The following CPAMD8 variants were observed in gnomAD, a reference collection of about 807,000 sequenced individuals.
The protein encoded by CPAMD8 is C3 and PZP like alpha-2-macroglobulin domain containing 8, also known as C3 and PZP-like alpha-2-macroglobulin domain-containing protein 8.
CPAMD8 carries 146 observed loss-of-function variants against 224.7 expected under a neutral mutation model. That is an observed-to-expected ratio of 0.65 (90% confidence interval 0.57 to 0.75). The LOEUF (loss-of-function observed/expected upper bound fraction) is 0.75. Ranked by LOEUF, CPAMD8 falls within the 30% of genes least tolerant of loss-of-function variation. CPAMD8 has a pLI of 0.00. For missense variants in CPAMD8, 2,301 were observed against 2,537.5 expected, an observed-to-expected ratio of 0.91 and a Z score of 2.00; for synonymous variants, 966 against 1,044.6, an observed-to-expected ratio of 0.92 and a Z score of 1.45.
intron 35 of CPAMD8, among the ~76,000 whole-genome samples, chr19:16,901,933 G>A (rs1599655449): frequency 6.6e-6 from 1 of 152,152 alleles, no homozygotes; most frequent in South Asian, 2.1e-4. Context: ...GTCAAGGTCA[G>A]GGCAGCCGTT....
intron 19 of CPAMD8, 45 bp from the exon 20 acceptor site, chr19:16,952,245 C>T: frequency 8.7e-7 from 1 of 1,155,592 alleles, no homozygotes; most frequent in Non-Finnish European, 1.3e-6. Flanking sequence ...TTCTCCAGGG[C>T]CATGCCTCAG....
rs756774629 is a variant in CPAMD8, at chr19:16,902,121, C to T, written c.4685+528G>A. Among the ~76,000 whole-genome samples the T allele has an allele frequency of 5.9e-5, 9 of 152,108 alleles. No individual in the cohort carries two copies. In the South Asian group the frequency reaches 6.2e-4, roughly 10 times the overall value. On this transcript the variant is annotated intron_variant, in intron 35 of 41. Transcript: ENST00000443236. ...CCAAGGGGTCTGGTGCTGGTGTTAT[C>T]GGGCAGGGACCAGTGTCCCAGCCAC...
intron 27 of CPAMD8, 46 bp from the exon 28 acceptor site, chr19:16,914,859 C>G (rs2052885494): frequency 3.5e-6 from 5 of 1,428,442 alleles, no homozygotes; most frequent in Non-Finnish European, 4.8e-6. Context: ...GAATGGTCAG[C>G]CCCCACATGC....
Position 16,980,759 on chromosome 19 carries a change from T to G in CPAMD8, c.1396-73A>C, listed in dbSNP as rs144773869. On this transcript the variant is annotated intron_variant, in intron 13 of 41. Transcript: ENST00000443236. ...CAACCCACCACAGGAAGACGGCCATTCTGGGGCCAGAGGGAGGTTGGGATG... is the reference window on the plus strand; with the variant it reads ...CAACCCACCACAGGAAGACGGCCATGCTGGGGCCAGAGGGAGGTTGGGATG... 1,574 of 1,276,952 alleles carry G rather than the reference T, an allele frequency of 1.2e-3. 15 individuals carry two copies. In the African/African-American group the frequency reaches 0.022, roughly 18 times the overall value. The allele number at this position is 1,276,952 out of a possible 1,614,324, so 79.1% of individuals were successfully genotyped here.
rs771430784 is a variant in CPAMD8 at position 16,935,685 on chromosome 19, T to C, written c.2845+2710A>G. Among the ~76,000 whole-genome samples the C allele has an allele frequency of 3.8e-4, 58 of 152,234 alleles. 1 individual carries two copies. Among genetic ancestry groups the C allele is most frequent in the Non-Finnish European group, 7.5e-4 (51 of 68,042 alleles). On this transcript the variant is annotated intron_variant, in intron 23 of 41. Coordinates refer to ENST00000443236, the MANE Select transcript of CPAMD8 (RefSeq NM_015692.5). ...CGGGCTGTTTCCAGTTTGGGGCTAC[T>C]ACAAATAAAGCTAATATGAACATCT...
intron 3 of CPAMD8, among the ~76,000 whole-genome samples, chr19:17,016,791 T>C (rs1477373116): frequency 2.1e-5 from 3 of 145,314 alleles, no homozygotes; most frequent in Admixed American, 1.4e-4. Flanking sequence ...AAAAATCTAA[T>C]CACACAAAGG....
chr19:16,966,167 G>C (rs184776506), intron 18 of CPAMD8, among the ~76,000 whole-genome samples: 1 of 152,140 alleles, frequency 6.6e-6, no homozygotes, highest in East Asian at 1.9e-4. Context: ...GAACAGAACA[G>C]AGGCCTCAGA....
intron 18 of CPAMD8, among the ~76,000 whole-genome samples, chr19:16,959,545 CTT>C (rs1056827789): frequency 1.4e-5 from 2 of 139,654 alleles, no homozygotes; most frequent in African/African-American, 2.6e-5. Context: ...CGTATATTTT[CTT>C]TTTTTTTTTT....
intron 13 of CPAMD8, 114 bp downstream of exon 13, chr19:16,989,529 C>A: frequency 7.6e-7 from 1 of 1,310,854 alleles, no homozygotes; most frequent in Admixed American, 2.3e-5. Context: ...TCCAGTGATC[C>A]GCCTGCCTCG....
intron 27 of CPAMD8, among the ~76,000 whole-genome samples, chr19:16,916,014 TC>T (rs1206783341): frequency 6.6e-6 from 1 of 151,368 alleles, no homozygotes; most frequent in Non-Finnish European, 1.5e-5. Flanking sequence ...TCTCTCTCTC[TC>T]TTGCTTTCTT....
intron 1 of CPAMD8, among the ~76,000 whole-genome samples, chr19:17,025,256 C>CA (rs2057048693): frequency 6.6e-6 from 1 of 152,000 alleles, no homozygotes; most frequent in Non-Finnish European, 1.5e-5. Context: ...ATTAAAAATA[C>CA]AAAAAATTAG....
At chr19:16,904,176 A>AG in intron 32 of CPAMD8, 50 bp downstream of exon 32, 24 of 937,332 alleles carry the variant, frequency 2.6e-5, no homozygotes, top group Non-Finnish European at 3.7e-5. Context: ...GACTGCAGGG[A>AG]CCCCACCCAC....
intron 22 of CPAMD8, 151 bp downstream of exon 22, chr19:16,945,398 G>A (rs1412368929): frequency 7.1e-6 from 7 of 986,438 alleles, no homozygotes; most frequent in East Asian, 5.4e-5. Context: ...GGAAGTACCC[G>A]AAAGTCCAGG....
intron 17 of CPAMD8, among the ~76,000 whole-genome samples, chr19:16,973,514 A>G (rs1402158257): frequency 6.6e-6 from 1 of 151,686 alleles, no homozygotes; most frequent in African/African-American, 2.4e-5. Context: ...ACACCCAGAT[A>G]ATTTTTGTAT....
chr19:17,024,603 G>A (rs538854060), intron 1 of CPAMD8, among the ~76,000 whole-genome samples: 2 of 152,288 alleles, frequency 1.3e-5, no homozygotes, highest in East Asian at 3.9e-4. Flanking sequence ...CTGACAATAC[G>A]GGTTCAAGTC....
rs549566254 is a variant in CPAMD8, at chr19:16,931,037, C to T, written c.2846-1797G>A. On this transcript the variant is annotated intron_variant, in intron 23 of 41. Transcript: ENST00000443236. ...TAACTCCCCAACCTGCAGCAACTGC[C>T]GCTATGGGATGCTGCAGCCAGGGGC... Among the ~76,000 whole-genome samples, 30 of 152,306 alleles carry T rather than the reference C, an allele frequency of 2.0e-4. No individual in the cohort carries two copies. The East Asian group carries it at 5.0e-3, about 26-fold the overall frequency.
intron 10 of CPAMD8, 104 bp from the exon 11 acceptor site, chr19:16,997,442 G>A (rs939909686): frequency 9.8e-6 from 7 of 715,704 alleles, no homozygotes; most frequent in East Asian, 2.7e-5. Context: ...CAGCTGCTTG[G>A]AGGGCCAGGG....
chr19:16,897,901 A>C lies in CPAMD8; in HGVS notation c.4942T>G (p.Tyr1648Asp). The C allele has an allele frequency of 1.9e-6, 3 of 1,610,158 alleles. No individual in the cohort carries two copies. Among genetic ancestry groups the C allele is most frequent in the Non-Finnish European group, 2.5e-6 (3 of 1,178,878 alleles). ...CGCGCGGGCCTACCGGGTTCGTAGT[A>C]GTCGTACACGGAGACTGGCAGCGCC... ...TSALPVSVYD[Y>D]YEPAFEATRF... The change falls in exon 38 of 42, where the codon TAC (tyrosine) becomes GAC (aspartate). Residue 1648 changes from tyrosine (Y) to aspartate (D), a missense_variant. Tyr to Asp is a radical substitution (Grantham distance 160, BLOSUM62 -3). Around this residue, in one of 4 missense-constraint regions of CPAMD8, gnomAD observed 1,709 missense variants for 1,753.2 expected, o/e 0.97. Coordinates refer to ENST00000443236, the MANE Select transcript of CPAMD8 (RefSeq NM_015692.5).
At chr19:17,021,524 A>C (rs2056957291) in intron 2 of CPAMD8, among the ~76,000 whole-genome samples, 1 of 152,204 alleles carries the variant, frequency 6.6e-6, no homozygotes, top group Non-Finnish European at 1.5e-5. Flanking sequence ...TTTCTGAGCC[A>C]GGGATCTGCA....
Sources: allele counts gnomAD v4.1 joint callset (sites outside exome capture counted in the v4.1 genomes callset), GRCh38; gene constraint gnomAD v4.1.1; regional missense constraint gnomAD v4.1.1; transcripts MANE v1.5; gene names NCBI Gene and HGNC (gene_info 2026-07-23, HGNC 2026-07-21).